Variants in PPM1E observed in about 807,000 individuals in gnomAD.
The protein encoded by PPM1E is protein phosphatase, Mg2+/Mn2+ dependent 1E, also known as protein phosphatase 1E.
A neutral mutation model predicts 65.9 loss-of-function variants in PPM1E; 20 were observed. The ratio of observed to expected loss-of-function variants is 0.30; its 90% CI spans 0.21 to 0.44. The LOEUF (loss-of-function observed/expected upper bound fraction) is 0.44, where lower values mean the gene tolerates loss of function less well. PPM1E is among the 20% of genes least tolerant of loss of function. The pLI is 1.00. For missense variants in PPM1E, 713 were observed against 953.1 expected (o/e 0.75, Z 3.32); for synonymous variants, 352 against 374.9 (o/e 0.94, Z 0.70).
intron 1 of PPM1E, among the ~76,000 whole-genome samples, chr17:58,894,532 C>T (rs1457779522): frequency 1.3e-5 from 2 of 152,140 alleles, no homozygotes; most frequent in East Asian, 3.9e-4. Context: ...GATTTTGCAC[C>T]ATCAGTGAAA....
chr17:58,921,080 G>C (rs1306255745), intron 1 of PPM1E, among the ~76,000 whole-genome samples: 1 of 152,190 alleles, frequency 6.6e-6, no homozygotes, highest in Non-Finnish European at 1.5e-5. Flanking sequence ...GTTGGATTTG[G>C]CAACATGGAA....
intron 1 of PPM1E, among the ~76,000 whole-genome samples, chr17:58,839,825 C>G (rs1046525366): frequency 9.9e-5 from 15 of 152,110 alleles, no homozygotes; most frequent in African/African-American, 3.4e-4. Flanking sequence ...ACTAGAACAG[C>G]TCATATATAG....
At chr17:58,912,792 C>A (rs1567873057) in intron 1 of PPM1E, among the ~76,000 whole-genome samples, 1 of 152,164 alleles carries the variant, frequency 6.6e-6, no homozygotes, top group African/African-American at 2.4e-5. Flanking sequence ...TCAACCCCTA[C>A]ATCCAGGAAA....
At chr17:58,962,936 T>A (rs914596057) in intron 2 of PPM1E, among the ~76,000 whole-genome samples, 5 of 151,880 alleles carry the variant, frequency 3.3e-5, no homozygotes, top group East Asian at 1.9e-4. Flanking sequence ...AATTTTTTTT[T>A]AAATTACCCA....
At chr17:58,763,654 TA>T (rs2049844909) in intron 1 of PPM1E, among the ~76,000 whole-genome samples, 1 of 152,174 alleles carries the variant, frequency 6.6e-6, no homozygotes, top group Non-Finnish European at 1.5e-5. Context: ...AAGTACATTT[TA>T]AATTTATTAG....
chr17:58,912,877 T>A (rs748973164), intron 1 of PPM1E, among the ~76,000 whole-genome samples: 1 of 152,114 alleles, frequency 6.6e-6, no homozygotes, highest in Non-Finnish European at 1.5e-5. Context: ...AATGAAGCCT[T>A]TGTAAAAACC....
chr17:58,794,900 T>G (rs1598575548), intron 1 of PPM1E, among the ~76,000 whole-genome samples: 1 of 151,032 alleles, frequency 6.6e-6, no homozygotes, highest in Admixed American at 6.6e-5. Context: ...TTTTTTTTTT[T>G]TTTTTTGAGG....
chr17:58,883,546 C>G (rs1167025863), intron 1 of PPM1E, among the ~76,000 whole-genome samples: 2 of 142,198 alleles, frequency 1.4e-5, no homozygotes, highest in East Asian at 4.2e-4. Context: ...TGCAGTGGCG[C>G]GATCTCGGCT....
At chr17:58,932,580 G>A (rs1248380364) in intron 1 of PPM1E, among the ~76,000 whole-genome samples, 1 of 152,140 alleles carries the variant, frequency 6.6e-6, no homozygotes, top group East Asian at 1.9e-4. Context: ...TCTGGGAACA[G>A]GTGATCCAGC....
chr17:58,849,655 C>T (rs2143255722), intron 1 of PPM1E, among the ~76,000 whole-genome samples: 1 of 152,086 alleles, frequency 6.6e-6, no homozygotes, highest in East Asian at 1.9e-4. Flanking sequence ...TATAATTTCT[C>T]TTCTTTTACA....
At chr17:58,771,539 G>A (rs1212136773) in intron 1 of PPM1E, among the ~76,000 whole-genome samples, 1 of 151,502 alleles carries the variant, frequency 6.6e-6, no homozygotes, top group Non-Finnish European at 1.5e-5. Flanking sequence ...CAGGAGAATC[G>A]CTTGAACCTG....
At chr17:58,951,687 A>AAG (rs1567886156) in intron 1 of PPM1E, among the ~76,000 whole-genome samples, 1 of 151,664 alleles carries the variant, frequency 6.6e-6, no homozygotes. Context: ...AAAAAAAAAA[A>AAG]AAAGAAAGAA....
intron 1 of PPM1E, among the ~76,000 whole-genome samples, chr17:58,908,332 G>A (rs1235442798): frequency 1.3e-5 from 2 of 151,878 alleles, no homozygotes; most frequent in African/African-American, 2.4e-5. Context: ...GCCCACCTTG[G>A]CCTCCCAAAG....
intron 1 of PPM1E, among the ~76,000 whole-genome samples, chr17:58,772,620 A>G (rs2049951389): frequency 6.6e-6 from 1 of 152,136 alleles, no homozygotes; most frequent in Admixed American, 6.6e-5. Flanking sequence ...TCCACCAGAG[A>G]CATTACCATG....
intron 1 of PPM1E, among the ~76,000 whole-genome samples, chr17:58,777,533 GGTGTTTAA>G (rs1386376224): frequency 3.3e-5 from 5 of 151,970 alleles, no homozygotes; most frequent in African/African-American, 7.3e-5. Context: ...ACTTACCCAA[GGTGTTTAA>G]GTGTTTAAAA....
chr17:58,928,468 A>T (rs1364891850), intron 1 of PPM1E, among the ~76,000 whole-genome samples: 1 of 152,116 alleles, frequency 6.6e-6, no homozygotes, highest in Non-Finnish European at 1.5e-5. Flanking sequence ...TACACCCATC[A>T]GAATTGCTAA....
intron 1 of PPM1E, among the ~76,000 whole-genome samples, chr17:58,929,063 G>A (rs550638036): frequency 1.2e-3 from 186 of 152,078 alleles, no homozygotes; most frequent in Non-Finnish European, 2.4e-3. Context: ...TACAGCCCAC[G>A]TATTCATCAA....
At chr17:58,794,547 A>G (rs1014085477) in intron 1 of PPM1E, among the ~76,000 whole-genome samples, 12 of 152,076 alleles carry the variant, frequency 7.9e-5, no homozygotes, top group African/African-American at 1.4e-4. Flanking sequence ...TAGTTTTTCA[A>G]TCTTCACTCT....
intron 1 of PPM1E, among the ~76,000 whole-genome samples, chr17:58,787,105 T>G (rs981151580): frequency 6.6e-6 from 1 of 152,338 alleles, no homozygotes; most frequent in South Asian, 2.1e-4. Context: ...AATAGTTGTG[T>G]GCATAATCAT....
Sources: gnomAD v4.1 joint callset for allele counts (sites outside exome capture counted in the v4.1 genomes callset) on GRCh38, gnomAD v4.1.1 for gene constraint, MANE v1.5 for transcripts, NCBI Gene and HGNC (gene_info 2026-07-23, HGNC 2026-07-21) for gene names.